The following UST variants were observed in gnomAD, a reference collection of about 807,000 sequenced individuals.
UST encodes the protein uronyl 2-sulfotransferase, also known as chondroitin sulfate 2-O-sulfotransferase.
UST carries 21 observed loss-of-function variants against 45.6 expected under a neutral mutation model. That is an observed-to-expected ratio of 0.46 (90% CI 0.33 to 0.66). The LOEUF is 0.66. UST is among the 30% of genes least tolerant of loss of function. UST has a pLI of 0.02. For synonymous variants in UST, 215 were observed against 200.6 expected (o/e 1.07, Z -0.61); for missense variants, 463 against 512.4 (o/e 0.90, Z 0.93).
At chr6:148,852,675 A>G (rs1266134160) in intron 1 of UST, among the ~76,000 whole-genome samples, 1 of 152,144 alleles carries the variant, frequency 6.6e-6, no homozygotes, top group Non-Finnish European at 1.5e-5. Context: ...TCTCTTGCCA[A>G]TCCCCACCTT....
chr6:148,754,292 G>A (rs571979187), intron 1 of UST, among the ~76,000 whole-genome samples: 14 of 152,220 alleles, frequency 9.2e-5, no homozygotes, highest in East Asian at 5.8e-4. Context: ...CACCGCGCCC[G>A]GCCACTGATT....
chr6:148,992,549 G>T (rs1179906798), intron 5 of UST, among the ~76,000 whole-genome samples: 2 of 152,186 alleles, frequency 1.3e-5, no homozygotes, highest in Non-Finnish European at 2.9e-5. Flanking sequence ...CACTGTGCTA[G>T]ATTAAATGGC....
chr6:148,830,844 C>T (rs961446708), intron 1 of UST, among the ~76,000 whole-genome samples: 3 of 151,926 alleles, frequency 2.0e-5, no homozygotes, highest in African/African-American at 7.3e-5. Flanking sequence ...TGTAGAGTTT[C>T]AGTTTGGGCT....
intron 1 of UST, among the ~76,000 whole-genome samples, chr6:148,852,681 A>G (rs1778129576): frequency 6.6e-6 from 1 of 152,032 alleles, no homozygotes; most frequent in Non-Finnish European, 1.5e-5. Context: ...GCCAATCCCC[A>G]CCTTTATCAC....
At chr6:149,009,258 TAGA>T (rs1582957209) in intron 5 of UST, among the ~76,000 whole-genome samples, 1 of 152,202 alleles carries the variant, frequency 6.6e-6, no homozygotes, top group East Asian at 1.9e-4. Flanking sequence ...AAAAATCTCT[TAGA>T]AGAGCAAAAA....
At position 148,930,171 on chromosome 6, in the gene UST, A is replaced by G. The variant is rs530457349; in HGVS notation, c.292-11108A>G. ...CTTCCGTTCTCATACCACTGTATGCATATCTCTAGTGGGGCGCTTACCACA... is the reference window on the plus strand; with the variant it reads ...CTTCCGTTCTCATACCACTGTATGCGTATCTCTAGTGGGGCGCTTACCACA... On this transcript the variant is annotated intron_variant, in intron 2 of 7. Coordinates refer to ENST00000367463, the MANE Select transcript of UST (RefSeq NM_005715.3). Among the ~76,000 whole-genome samples the G allele has an allele frequency of 2.6e-5, 4 of 152,294 alleles. No individual in the cohort carries two copies. The South Asian group carries it at 8.3e-4, about 32-fold the overall frequency.
chr6:149,070,044 C>T (rs1468025916), intron 7 of UST, among the ~76,000 whole-genome samples: 2 of 151,798 alleles, frequency 1.3e-5, no homozygotes, highest in Non-Finnish European at 2.9e-5. Context: ...TTTTGCTTAT[C>T]CCCTTGGATC....
At chr6:148,834,937 CAAAT>C (rs1777759633) in intron 1 of UST, among the ~76,000 whole-genome samples, 2 of 152,244 alleles carry the variant, frequency 1.3e-5, no homozygotes, top group East Asian at 1.9e-4. Context: ...CCAAAGTATA[CAAAT>C]AAATAGTCAA....
intron 1 of UST, among the ~76,000 whole-genome samples, chr6:148,777,046 G>A (rs946235093): frequency 1.3e-5 from 2 of 152,162 alleles, no homozygotes; most frequent in Non-Finnish European, 2.9e-5. Flanking sequence ...AATACAGAAC[G>A]TGTTGGAATT....
chr6:148,778,629 A>C (rs1776579334), intron 1 of UST, among the ~76,000 whole-genome samples: 1 of 152,202 alleles, frequency 6.6e-6, no homozygotes, highest in Non-Finnish European at 1.5e-5. Context: ...GTCCTGTGAC[A>C]ATCCCTGCAT....
intron 7 of UST, among the ~76,000 whole-genome samples, chr6:149,032,726 G>C (rs1157104381): frequency 1.3e-5 from 2 of 152,176 alleles, no homozygotes; most frequent in African/African-American, 4.8e-5. Flanking sequence ...GGCCTCGGGA[G>C]AGCCCCAGAT....
chr6:148,899,321 G>A (rs558426245), intron 2 of UST, among the ~76,000 whole-genome samples: 12 of 152,012 alleles, frequency 7.9e-5, no homozygotes, highest in South Asian at 2.1e-4. Context: ...GAATGGTCTC[G>A]ATCTCCTGAC....
intron 1 of UST, among the ~76,000 whole-genome samples, chr6:148,830,782 G>T (rs1472773052): frequency 1.3e-5 from 2 of 152,066 alleles, no homozygotes; most frequent in African/African-American, 2.4e-5. Context: ...AAAATAAAAT[G>T]GTGGTTGCCA....
chr6:148,915,497 G>T (rs1478954937), intron 2 of UST, among the ~76,000 whole-genome samples: 1 of 151,724 alleles, frequency 6.6e-6, no homozygotes, highest in Non-Finnish European at 1.5e-5. Flanking sequence ...AAACAAGGAT[G>T]TCTGCATATT....
intron 7 of UST, among the ~76,000 whole-genome samples, chr6:149,031,732 A>T (rs1017572654): frequency 2.0e-5 from 3 of 152,264 alleles, no homozygotes; most frequent in Non-Finnish European, 2.9e-5. Context: ...TACCAGAAAA[A>T]TTCAACAAAC....
intron 5 of UST, among the ~76,000 whole-genome samples, chr6:149,006,175 C>G (rs1775688311): frequency 1.3e-5 from 2 of 152,158 alleles, no homozygotes; most frequent in South Asian, 4.1e-4. Flanking sequence ...TTTGCTGCAC[C>G]CATCAACCCA....
At chr6:148,796,484 C>T (rs1319211051) in intron 1 of UST, among the ~76,000 whole-genome samples, 1 of 151,868 alleles carries the variant, frequency 6.6e-6, no homozygotes, top group Non-Finnish European at 1.5e-5. Context: ...ATTAGATGGA[C>T]GTGGTGGCAC....
At chr6:148,862,858 A>G (rs1582860105) in intron 1 of UST, among the ~76,000 whole-genome samples, 2 of 152,298 alleles carry the variant, frequency 1.3e-5, no homozygotes, top group Middle Eastern at 3.4e-3. Flanking sequence ...AGTTTCTGCC[A>G]AGAGACCAGC....
chr6:148,872,726 ATTT>A (rs1778582515), intron 1 of UST, among the ~76,000 whole-genome samples: 1 of 152,168 alleles, frequency 6.6e-6, no homozygotes, highest in African/African-American at 2.4e-5. Flanking sequence ...CTAGGCAAGA[ATTT>A]GTTTTCTTGC....
Sources: allele counts gnomAD v4.1 joint callset (sites outside exome capture counted in the v4.1 genomes callset), GRCh38; gene constraint gnomAD v4.1.1; transcripts MANE v1.5; gene names NCBI Gene and HGNC (gene_info 2026-07-23, HGNC 2026-07-21).